The following ZNF236 variants were observed in gnomAD, a reference collection of about 807,000 sequenced individuals.
The protein encoded by ZNF236 is regulated by glucose.
In ZNF236, 50 loss-of-function variants were observed where a neutral mutation model predicts 191.2. The observed-to-expected ratio is 0.26, with a 90% CI of 0.21 to 0.33. The LOEUF is 0.33. ZNF236 is among the 10% of genes least tolerant of loss of function. The pLI is 1.00. For synonymous variants in ZNF236, 907 were observed against 928.8 expected, an observed-to-expected ratio of 0.98 and a Z score of 0.43; for missense variants, 1,754 against 2,374.5, an observed-to-expected ratio of 0.74 and a Z score of 5.43.
At chr18:76,903,459 C>A (rs183436897) in intron 11 of ZNF236, among the ~76,000 whole-genome samples, 2 of 152,160 alleles carry the variant, frequency 1.3e-5, no homozygotes, top group East Asian at 3.9e-4. Flanking sequence ...TATGGAAAGT[C>A]CGGAAAAACA....
chr18:76,832,281 A>G (rs1975192227), intron 1 of ZNF236, among the ~76,000 whole-genome samples: 1 of 152,038 alleles, frequency 6.6e-6, no homozygotes, highest in Non-Finnish European at 1.5e-5. Flanking sequence ...GGGTTTCACC[A>G]TGTTGGCCAG....
chr18:76,892,567 T>C (rs1002122959), intron 9 of ZNF236, among the ~76,000 whole-genome samples: 1 of 152,056 alleles, frequency 6.6e-6, no homozygotes, highest in Non-Finnish European at 1.5e-5. Context: ...TTTACTAATA[T>C]ATATATATAA....
intron 3 of ZNF236, among the ~76,000 whole-genome samples, chr18:76,857,223 C>T (rs1339226846): frequency 2.0e-5 from 3 of 152,188 alleles, no homozygotes; most frequent in East Asian, 1.9e-4. Context: ...CAGGACCCAG[C>T]GCCTGGCAGC....
chr18:76,837,225 G>A (rs1385887858), intron 1 of ZNF236, among the ~76,000 whole-genome samples: 1 of 148,960 alleles, frequency 6.7e-6, no homozygotes, highest in Non-Finnish European at 1.5e-5. Flanking sequence ...TTAATAGAGT[G>A]GAATTTGTGT....
At chr18:76,833,632 A>G (rs965914278) in intron 1 of ZNF236, among the ~76,000 whole-genome samples, 1 of 152,104 alleles carries the variant, frequency 6.6e-6, no homozygotes, top group Non-Finnish European at 1.5e-5. Flanking sequence ...TATGAGCCAC[A>G]TTGGACTACA....
At chr18:76,920,095 A>G in intron 20 of ZNF236, 37 bp downstream of exon 20, 1 of 1,584,892 alleles carries the variant, frequency 6.3e-7, no homozygotes, top group African/African-American at 1.3e-5. Flanking sequence ...TTCCGCTCTG[A>G]AGACTGGAGG....
intron 1 of ZNF236, among the ~76,000 whole-genome samples, chr18:76,844,761 A>G (rs1252420032): frequency 6.6e-6 from 1 of 152,230 alleles, no homozygotes; most frequent in East Asian, 1.9e-4. Flanking sequence ...TTTTGTATAA[A>G]TCAATGTAGG....
chr18:76,905,522 T>C, intron 13 of ZNF236, 107 bp downstream of exon 13: 1 of 1,105,358 alleles, frequency 9.0e-7, no homozygotes, highest in South Asian at 1.6e-5. Context: ...TTATTATTTC[T>C]AGCTCATACT....
At chr18:76,906,537 G>C (rs1244478390) in intron 13 of ZNF236, among the ~76,000 whole-genome samples, 1 of 152,150 alleles carries the variant, frequency 6.6e-6, no homozygotes, top group Non-Finnish European at 1.5e-5. Context: ...GAGCTTGGGC[G>C]CTTGCTTGCT....
intron 4 of ZNF236, among the ~76,000 whole-genome samples, chr18:76,871,489 A>C (rs1943248): frequency 0.014 from 2,084 of 152,168 alleles, 46 homozygotes; most frequent in African/African-American, 0.047. Context: ...GGAAAAAACA[A>C]ATTTTTTTTC....
At chr18:76,846,768 C>G (rs1436786594) in intron 1 of ZNF236, among the ~76,000 whole-genome samples, 1 of 151,210 alleles carries the variant, frequency 6.6e-6, no homozygotes. Flanking sequence ...CTGGAAAATT[C>G]TTAATTCATA....
Position 76,960,889 on chromosome 18 carries a change from C to T in ZNF236, c.5419+34C>T, listed in dbSNP as rs958292017. The T allele has an allele frequency of 1.0e-5, 16 of 1,576,898 alleles. No individual in the cohort carries two copies. The highest frequency in any genetic ancestry group is 1.8e-5 in the Admixed American group (1 of 54,372). On this transcript the variant is annotated intron_variant, in intron 30 of 30. Coordinates refer to ENST00000320610, the MANE Select transcript of ZNF236 (RefSeq NM_001306089.2). The surrounding 1 kb of genome is among the most constrained non-coding windows in gnomAD (Gnocchi z 4.4). ...GCTGCACCCGGGAGTGCGTGCTGTT[C>T]GGTGGCCTGCGAGGCACCCTGTGTT...
intron 1 of ZNF236, among the ~76,000 whole-genome samples, chr18:76,831,954 A>G (rs1174258125): frequency 6.6e-6 from 1 of 152,222 alleles, no homozygotes; most frequent in African/African-American, 2.4e-5. Flanking sequence ...GATACCTTCT[A>G]ATCAATTAAA....
chr18:76,862,233 C>T (rs181331106), intron 3 of ZNF236, among the ~76,000 whole-genome samples: 37 of 152,210 alleles, frequency 2.4e-4, no homozygotes, highest in African/African-American at 7.9e-4. Context: ...TGCCAACAAG[C>T]GGAGAAGAAA....
intron 25 of ZNF236, among the ~76,000 whole-genome samples, chr18:76,933,627 TAAAG>T (rs945089813): frequency 1.3e-5 from 2 of 152,120 alleles, no homozygotes; most frequent in African/African-American, 4.8e-5. Flanking sequence ...AACGCATAAT[TAAAG>T]AATATTTGTG....
Position 76,923,126 on chromosome 18 carries a change from A to C in ZNF236, c.3613A>C (p.Ser1205Arg), listed in dbSNP as rs568697358. 2.7e-5 allele frequency: 44 copies of C among 1,614,060 alleles called. No homozygotes were observed. In the South Asian group the frequency reaches 3.6e-4, roughly 13 times the overall value. ...ATACAAATGTGATGAATGTGGAAAGAGTTTTACTGTGAAATCCACTCTCGA... is the reference window on the plus strand; with the variant it reads ...ATACAAATGTGATGAATGTGGAAAGCGTTTTACTGTGAAATCCACTCTCGA... ...KPYKCDECGKSFTVKSTLDCH... is the reference protein window; with the variant it reads ...KPYKCDECGKRFTVKSTLDCH... The change falls in exon 21 of 31, where the codon AGT becomes CGT. Residue 1205 changes from serine to arginine, a missense_variant. Ser to Arg is a moderately radical substitution (Grantham distance 110). Transcript: ENST00000320610.
chr18:76,907,849 G>C (rs1305253073), intron 13 of ZNF236, among the ~76,000 whole-genome samples: 1 of 152,062 alleles, frequency 6.6e-6, no homozygotes, highest in Non-Finnish European at 1.5e-5. Context: ...TCCAATAAAG[G>C]GCCTGAGGCC....
At chr18:76,835,401 G>C (rs1975292205) in intron 1 of ZNF236, among the ~76,000 whole-genome samples, 1 of 152,162 alleles carries the variant, frequency 6.6e-6, no homozygotes, top group African/African-American at 2.4e-5. Flanking sequence ...ACTCAGAAAA[G>C]TATTAAATAT....
intron 28 of ZNF236, among the ~76,000 whole-genome samples, chr18:76,958,869 A>G (rs1240639176): frequency 6.6e-6 from 1 of 152,344 alleles, no homozygotes; most frequent in East Asian, 1.9e-4. Flanking sequence ...CGCAGCTGGA[A>G]CACAGGCGGT....
Sources: allele counts gnomAD v4.1 joint callset (sites outside exome capture counted in the v4.1 genomes callset), GRCh38; gene constraint gnomAD v4.1.1; non-coding constraint Gnocchi (gnomAD v3.1); transcripts MANE v1.5; gene names NCBI Gene and HGNC (gene_info 2026-07-23, HGNC 2026-07-21).